Variants in MYCBP2 observed in about 807,000 individuals in gnomAD.
MYCBP2 encodes the protein E3 ubiquitin-protein ligase MYCBP2.
MYCBP2 carries 120 observed loss-of-function variants against 525.3 expected under a neutral mutation model. The observed-to-expected ratio is 0.23, with a 90% confidence interval of 0.20 to 0.27. The LOEUF (loss-of-function observed/expected upper bound fraction) is 0.27, where lower values mean the gene tolerates loss of function less well. Among genes scored for constraint, MYCBP2 ranks in the 10% least tolerant of loss-of-function variants. The probability of loss-of-function intolerance (pLI) is 1.00; values close to 1 mark genes in which losing one functional copy is unlikely to be tolerated. For missense variants in MYCBP2, 4,149 were observed against 5,657.1 expected (o/e 0.73, Z 8.55); for synonymous variants, 1,894 against 1,955.8 (o/e 0.97, Z 0.83).
At chr13:77,084,873 TC>T (rs1379259771) in intron 62 of MYCBP2, among the ~76,000 whole-genome samples, 2 of 151,956 alleles carry the variant, frequency 1.3e-5, no homozygotes, top group Non-Finnish European at 2.9e-5. Context: ...GTGCCCTGCT[TC>T]CCACATCCCA....
intron 37 of MYCBP2, among the ~76,000 whole-genome samples, chr13:77,173,354 T>C (rs1452033821): frequency 6.6e-6 from 1 of 152,206 alleles, no homozygotes; most frequent in Non-Finnish European, 1.5e-5. Flanking sequence ...TTTTAATCCA[T>C]AGTTTAAGAA....
At chr13:77,156,395 A>T (rs1424062048) in intron 45 of MYCBP2, among the ~76,000 whole-genome samples, 193 bp from the exon 46 acceptor site, 1 of 152,248 alleles carries the variant, frequency 6.6e-6, no homozygotes, top group East Asian at 1.9e-4. Context: ...TTTAAAAAAC[A>T]TGCCTAAGCA....
At position 77,055,421 on chromosome 13, in the gene MYCBP2, GA is replaced by G. The variant is rs1440676634; in HGVS notation, c.13647+136del. The G allele has an allele frequency of 8.0e-6, 6 of 754,578 alleles. No individual in the cohort carries two copies. The African/African-American group carries it at 1.1e-4, about 13-fold the overall frequency. 46.7% of individuals were successfully genotyped at this position (754,578 alleles called of 1,614,324 possible). A position where few individuals can be genotyped will look rare whatever the true frequency, so the allele number is the denominator to read the frequency against. On this transcript the variant is annotated intron_variant, in intron 80 of 82. Transcript: ENST00000544440. ...AAACAAGTTTTACTGGAAACATTGGGAAACATTGTACCAAGCTATCTTATTT... is the reference window on the plus strand; with the variant it reads ...AAACAAGTTTTACTGGAAACATTGGGAACATTGTACCAAGCTATCTTATTT...
intron 36 of MYCBP2, among the ~76,000 whole-genome samples, chr13:77,176,019 C>CTT (rs35933603): frequency 1.6e-3 from 229 of 142,930 alleles, no homozygotes; most frequent in Middle Eastern, 0.011. Context: ...AACAAAAACA[C>CTT]TTTTTTTTTT....
chr13:77,187,748 T>C (rs755394889), intron 30 of MYCBP2, among the ~76,000 whole-genome samples: 1 of 152,010 alleles, frequency 6.6e-6, no homozygotes, highest in Non-Finnish European at 1.5e-5. Context: ...TTTTTGCATA[T>C]AAAAATGGTC....
chr13:77,216,806 G>A (rs1189861337), intron 21 of MYCBP2, among the ~76,000 whole-genome samples: 1 of 152,122 alleles, frequency 6.6e-6, no homozygotes, highest in African/African-American at 2.4e-5. Context: ...CTAGATTGGA[G>A]GGGAAAGAAA....
chr13:77,047,304 T>G, intron 82 of MYCBP2, among the ~76,000 whole-genome samples: 1 of 152,172 alleles, frequency 6.6e-6, no homozygotes, highest in Non-Finnish European at 1.5e-5. Context: ...GTAAAATTAT[T>G]TTTTCTGATT....
At chr13:77,173,571 C>T (rs190609947) in intron 37 of MYCBP2, among the ~76,000 whole-genome samples, 2 of 152,248 alleles carry the variant, frequency 1.3e-5, no homozygotes, top group African/African-American at 4.8e-5. Flanking sequence ...TACGTAGGCA[C>T]CATCCCTAGA....
At chr13:77,101,983 T>C (rs2154134001) in intron 55 of MYCBP2, among the ~76,000 whole-genome samples, 1 of 152,080 alleles carries the variant, frequency 6.6e-6, no homozygotes, top group East Asian at 1.9e-4. Context: ...GACTGTACTT[T>C]TACATTTAAA....
chr13:77,118,426 T>C (rs1008575507), intron 55 of MYCBP2: 4 of 764,642 alleles, frequency 5.2e-6, no homozygotes, highest in South Asian at 4.0e-5. Flanking sequence ...TGCAGCTTGA[T>C]CAAAGATGGA....
chr13:77,051,069 A>C lies in MYCBP2; in HGVS notation c.13849T>G (p.Cys4617Gly). ...VFFCFGTTHFCNACHDDFQRM... is the reference protein window; with the variant it reads ...VFFCFGTTHFGNACHDDFQRM... ...TGAAAATCATCATGACAAGCATTAC[A>C]AAAATGTGTTGTTCCAAAACAGAAA... is the stretch of plus-strand genomic sequence containing the variant. The change falls in exon 82 of 83, where the codon TGT becomes GGT. Residue 4617 changes from cysteine to glycine, a missense_variant. Coordinates refer to ENST00000544440, the MANE Select transcript of MYCBP2 (RefSeq NM_015057.5). 6.2e-7 allele frequency: 1 copy of C among 1,613,584 alleles called. No individual in the cohort carries two copies. Among genetic ancestry groups the C allele is most frequent in the Non-Finnish European group, 8.5e-7 (1 of 1,179,776 alleles).
intron 59 of MYCBP2, among the ~76,000 whole-genome samples, chr13:77,091,258 G>A (rs1038209017): frequency 1.3e-5 from 2 of 152,042 alleles, no homozygotes; most frequent in Admixed American, 6.6e-5. Context: ...AAATGTCCCT[G>A]GGTGTTAGTA....
At chr13:77,196,794 A>T (rs139326012) in intron 26 of MYCBP2, among the ~76,000 whole-genome samples, 18 of 152,274 alleles carry the variant, frequency 1.2e-4, no homozygotes, top group Non-Finnish European at 2.5e-4. Context: ...TCACGTGGAG[A>T]CACAGCGTAG....
chr13:77,262,841 A>G (rs551273378), intron 10 of MYCBP2, among the ~76,000 whole-genome samples: 15 of 152,018 alleles, frequency 9.9e-5, no homozygotes, highest in Non-Finnish European at 2.1e-4. Flanking sequence ...AAAATTTTAA[A>G]TCTGTAATTT....
chr13:77,186,611 A>G (rs951907190), intron 30 of MYCBP2, among the ~76,000 whole-genome samples: 7 of 152,100 alleles, frequency 4.6e-5, no homozygotes, highest in Non-Finnish European at 1.0e-4. Flanking sequence ...AGAAAATACT[A>G]AAAAATTCCT....
At chr13:77,134,856 T>C (rs1048600326) in intron 52 of MYCBP2, among the ~76,000 whole-genome samples, 10 of 152,240 alleles carry the variant, frequency 6.6e-5, no homozygotes, top group Non-Finnish European at 1.3e-4. Context: ...GAAAGACTGA[T>C]AGATCCAAAT....
At chr13:77,303,902 G>A (rs534540540) in intron 1 of MYCBP2, among the ~76,000 whole-genome samples, 1 of 152,264 alleles carries the variant, frequency 6.6e-6, no homozygotes, top group South Asian at 2.1e-4. Context: ...GAAATGGAAA[G>A]CAGACATTCA....
intron 26 of MYCBP2, 57 bp from the exon 27 acceptor site, chr13:77,194,301 C>A: frequency 7.9e-7 from 1 of 1,266,270 alleles, no homozygotes; most frequent in Non-Finnish European, 1.2e-6. Flanking sequence ...ATCTGATGAA[C>A]AATGTGTTCA....
At chr13:77,068,960 G>T in intron 69 of MYCBP2, 129 bp from the exon 70 acceptor site, 1 of 885,672 alleles carries the variant, frequency 1.1e-6, no homozygotes, top group Non-Finnish European at 1.7e-6. Context: ...TATTCTCCCA[G>T]TTAATTCTCC....
Sources: gnomAD v4.1 joint callset for allele counts (sites outside exome capture counted in the v4.1 genomes callset) on GRCh38, gnomAD v4.1.1 for gene constraint, MANE v1.5 for transcripts, NCBI Gene and HGNC (gene_info 2026-07-23, HGNC 2026-07-21) for gene names.